Variants in JAKMIP2 observed in about 807,000 individuals in gnomAD.
JAKMIP2 encodes janus kinase and microtubule-interacting protein 2.
A neutral mutation model predicts 115.0 loss-of-function variants in JAKMIP2; 25 were observed. The ratio of observed to expected loss-of-function variants is 0.22; its 90% confidence interval spans 0.16 to 0.30. The LOEUF (loss-of-function observed/expected upper bound fraction) is 0.30. Among genes scored for constraint, JAKMIP2 ranks in the 10% least tolerant of loss-of-function variants. The pLI is 1.00. For missense variants in JAKMIP2, 642 were observed against 957.6 expected, an observed-to-expected ratio of 0.67 and a Z score of 4.35; for synonymous variants, 334 against 343.6, an observed-to-expected ratio of 0.97 and a Z score of 0.31.
At chr5:147,608,996 C>A (rs951339002) in intron 20 of JAKMIP2, among the ~76,000 whole-genome samples, 10 of 31,182 alleles carry the variant, frequency 3.2e-4, no homozygotes, top group African/African-American at 6.6e-4. Flanking sequence ...AGAATTGCAA[C>A]CCCAGCTTTT....
chr5:147,740,144 G>A (rs1257767703), intron 1 of JAKMIP2, among the ~76,000 whole-genome samples: 2 of 152,122 alleles, frequency 1.3e-5, no homozygotes, highest in Non-Finnish European at 2.9e-5. Flanking sequence ...CTTCTAACCT[G>A]CCATCCTGGC....
intron 1 of JAKMIP2, among the ~76,000 whole-genome samples, chr5:147,684,040 T>A (rs1053298448): frequency 3.3e-5 from 5 of 152,142 alleles, no homozygotes; most frequent in African/African-American, 9.7e-5. Context: ...GGATTCTTTT[T>A]TGAGTTTTGT....
intron 1 of JAKMIP2, among the ~76,000 whole-genome samples, chr5:147,753,708 T>G (rs555095290): frequency 6.6e-6 from 1 of 152,334 alleles, no homozygotes; most frequent in African/African-American, 2.4e-5. Flanking sequence ...CATTCCTCAG[T>G]GTACTAACCA....
chr5:147,692,006 G>C (rs1751880195), intron 1 of JAKMIP2, among the ~76,000 whole-genome samples: 2 of 152,076 alleles, frequency 1.3e-5, no homozygotes, highest in South Asian at 4.1e-4. Context: ...CAGCTCCAGT[G>C]TCATTGACTC....
intron 2 of JAKMIP2, among the ~76,000 whole-genome samples, chr5:147,664,998 C>A (rs1052846502): frequency 7.9e-5 from 12 of 152,108 alleles, no homozygotes; most frequent in African/African-American, 2.7e-4. Context: ...CAAAACAAAA[C>A]CCTAACATAT....
At chr5:147,632,580 A>G in intron 13 of JAKMIP2, 100 bp downstream of exon 13, 1 of 769,210 alleles carries the variant, frequency 1.3e-6, no homozygotes, top group Non-Finnish European at 2.2e-6. Context: ...AAATGAGAGT[A>G]TGAATCTGAA....
At chr5:147,623,566 T>C (rs1483867609) in intron 17 of JAKMIP2, 55 bp downstream of exon 17, 1 of 1,181,190 alleles carries the variant, frequency 8.5e-7, no homozygotes, top group East Asian at 2.4e-5. Context: ...ACTTTAATTT[T>C]CCATTTGCCT....
chr5:147,612,654 A>C (rs1756391347), intron 19 of JAKMIP2, among the ~76,000 whole-genome samples: 1 of 152,220 alleles, frequency 6.6e-6, no homozygotes, highest in African/African-American at 2.4e-5. Context: ...AGTGAGGTGT[A>C]GATTCCACAC....
intron 1 of JAKMIP2, among the ~76,000 whole-genome samples, chr5:147,755,182 G>C (rs986323126): frequency 5.9e-5 from 9 of 152,182 alleles, no homozygotes; most frequent in African/African-American, 2.2e-4. Flanking sequence ...AATCTACTAG[G>C]AGGTTATTGA....
At chr5:147,667,606 T>G (rs549347773) in intron 2 of JAKMIP2, among the ~76,000 whole-genome samples, 1 of 152,222 alleles carries the variant, frequency 6.6e-6, no homozygotes, top group Non-Finnish European at 1.5e-5. Context: ...CTGGCAGGGA[T>G]TTTCATGGGC....
rs1561529462 is a variant in JAKMIP2, at chr5:147,672,562, T to TATC, written c.-148-609_-148-608insGAT. ...AGTCAGCCTTCCAATGGGAAAAAAT[T>TATC]TATCTATCTATCTATCTATCTATCA... On this transcript the variant is annotated intron_variant, in intron 1 of 21. Transcript: ENST00000616793. Among the ~76,000 whole-genome samples the TATC allele has an allele frequency of 2.0e-4, 31 of 152,166 alleles. No homozygotes were observed. The South Asian group carries it at 6.2e-3, about 31-fold the overall frequency.
intron 1 of JAKMIP2, among the ~76,000 whole-genome samples, chr5:147,772,582 C>T (rs1222018624): frequency 1.3e-5 from 2 of 150,266 alleles, no homozygotes; most frequent in Non-Finnish European, 3.0e-5. Flanking sequence ...ATTTTAATAT[C>T]TCCTGAAATG....
intron 1 of JAKMIP2, among the ~76,000 whole-genome samples, chr5:147,689,599 C>G (rs779762307): frequency 1.3e-5 from 2 of 152,034 alleles, no homozygotes; most frequent in African/African-American, 4.8e-5. Context: ...AGATGCAGAG[C>G]CACGTTGATC....
intron 10 of JAKMIP2, among the ~76,000 whole-genome samples, chr5:147,638,994 T>C (rs1242367907): frequency 6.6e-6 from 1 of 152,182 alleles, no homozygotes; most frequent in Non-Finnish European, 1.5e-5. Context: ...AGAATTAGTA[T>C]AGTACATGTC....
intron 21 of JAKMIP2, among the ~76,000 whole-genome samples, chr5:147,598,674 G>T (rs980773403): frequency 6.6e-6 from 1 of 152,094 alleles, no homozygotes; most frequent in Non-Finnish European, 1.5e-5. Flanking sequence ...TCCAGTAAGG[G>T]TGCCTTCTAG....
chr5:147,700,656 C>T (rs888472319), intron 1 of JAKMIP2, among the ~76,000 whole-genome samples: 1 of 152,144 alleles, frequency 6.6e-6, no homozygotes, highest in Non-Finnish European at 1.5e-5. Context: ...CTACTAAAAG[C>T]TTTGATCAGA....
chr5:147,596,577 T>C (rs1279014405), intron 21 of JAKMIP2, among the ~76,000 whole-genome samples: 1 of 152,212 alleles, frequency 6.6e-6, no homozygotes, highest in Non-Finnish European at 1.5e-5. Context: ...TTTTCCCAGC[T>C]ATTCATTCAT....
intron 1 of JAKMIP2, among the ~76,000 whole-genome samples, chr5:147,744,353 A>G (rs1754273803): frequency 6.6e-6 from 1 of 152,140 alleles, no homozygotes; most frequent in South Asian, 2.1e-4. Flanking sequence ...CACCATTAAG[A>G]TCACACCCAG....
chr5:147,747,602 T>C (rs1754393569), intron 1 of JAKMIP2, among the ~76,000 whole-genome samples: 1 of 152,142 alleles, frequency 6.6e-6, no homozygotes, highest in Non-Finnish European at 1.5e-5. Flanking sequence ...CCCAGGCTCT[T>C]GTGTCCCGCA....
Sources: allele counts gnomAD v4.1 joint callset (sites outside exome capture counted in the v4.1 genomes callset), GRCh38; gene constraint gnomAD v4.1.1; transcripts MANE v1.5; gene names NCBI Gene and HGNC (gene_info 2026-07-23, HGNC 2026-07-21).